Variants in MDM2 observed in about 807,000 individuals in gnomAD.
MDM2 encodes E3 ubiquitin-protein ligase Mdm2.
MDM2 carries 11 observed loss-of-function variants against 64.3 expected under a neutral mutation model. That is an observed-to-expected ratio of 0.17 (90% confidence interval 0.11 to 0.28). The LOEUF is 0.28. MDM2 is among the 10% of genes least tolerant of loss of function. The probability of loss-of-function intolerance (pLI) is 1.00; values close to 1 mark genes in which losing one functional copy is unlikely to be tolerated. For synonymous variants in MDM2, 194 were observed against 192.9 expected, an observed-to-expected ratio of 1.01 and a Z score of -0.05; for missense variants, 388 against 577.1, an observed-to-expected ratio of 0.67 and a Z score of 3.36.
rs761082043 is a variant in MDM2, at chr12:68,839,561, G to A, written c.1206G>A (p.Gln402=). ...SQSQESEDYS[Q]PSTSSSIIYS... ...CACAAGAAAGTGAAGACTATTCTCA[G>A]CCATCAACTTCTAGTAGCATTATTT... Residue 402 remains glutamine (Q), a synonymous_variant, in exon 11 of 11, where the codon CAG becomes CAA. Coordinates refer to ENST00000258149, the MANE Select transcript of MDM2 (RefSeq NM_002392.6). 1 of 1,613,674 alleles carries A rather than the reference G, an allele frequency of 6.2e-7. No homozygotes were observed. The highest frequency in any genetic ancestry group is 1.1e-5 in the South Asian group (1 of 91,062).
intron 8 of MDM2, among the ~76,000 whole-genome samples, chr12:68,833,149 A>AAAAAATATATATAT (rs1555187768): frequency 7.6e-5 from 5 of 65,968 alleles, no homozygotes; most frequent in African/African-American, 3.1e-4. Flanking sequence ...AAAAAAAAAA[A>AAAAAATATATATAT]ATATATATAT....
At chr12:68,836,475 TGAC>T (rs1883316241) in intron 9 of MDM2, 194 bp from the exon 10 acceptor site, 1 of 468,150 alleles carries the variant, frequency 2.1e-6, no homozygotes, top group Non-Finnish European at 3.8e-6. Context: ...TCCTTTGTAT[TGAC>T]TTTTACCATT....
chr12:68,837,782 T>G (rs1883427885), intron 10 of MDM2, among the ~76,000 whole-genome samples: 1 of 152,340 alleles, frequency 6.6e-6, no homozygotes, highest in South Asian at 2.1e-4. Flanking sequence ...TTATAGGTTT[T>G]TTTAAAACTA....
At chr12:68,816,763 A>G (rs377563023) in intron 3 of MDM2, 49 bp from the exon 4 acceptor site, 612 of 1,473,364 alleles carry the variant, frequency 4.2e-4, no homozygotes, top group Non-Finnish European at 5.2e-4. Context: ...TGTATTTACA[A>G]CTAACATTTA....
intron 4 of MDM2, among the ~76,000 whole-genome samples, chr12:68,819,979 C>G (rs1881712201): frequency 6.6e-6 from 1 of 152,128 alleles, no homozygotes; most frequent in Non-Finnish European, 1.5e-5. Flanking sequence ...GAGCTAAAAA[C>G]ATTCCTGTTT....
chr12:68,817,422 G>A (rs1230254391), intron 4 of MDM2, among the ~76,000 whole-genome samples: 1 of 152,112 alleles, frequency 6.6e-6, no homozygotes, highest in Admixed American at 6.6e-5. Context: ...CTATCATTAT[G>A]GCACTTAACC....
chr12:68,833,537 T>C (rs1883073389), intron 8 of MDM2, among the ~76,000 whole-genome samples: 2 of 150,496 alleles, frequency 1.3e-5, no homozygotes, highest in South Asian at 4.2e-4. Context: ...TATTGCATTT[T>C]TTCATGGTAT....
rs1002315781 is a variant in MDM2, at chr12:68,842,250, A to G, written c.*2401A>G. 11 of 497,602 alleles carry G rather than the reference A, an allele frequency of 2.2e-5. No homozygotes were observed. Among genetic ancestry groups the G allele is most frequent in the African/African-American group, 2.1e-4 (11 of 51,708 alleles). The allele number at this position is 497,602 out of a possible 1,614,324, so 30.8% of individuals were successfully genotyped here. On this transcript the variant is annotated 3_prime_UTR_variant, in exon 11 of 11. Transcript: ENST00000258149. ...TATTTATAATGAACAAATTCAAGAA[A>G]AAGGACTACGGAAAGTTCAGGACAT... is the stretch of plus-strand genomic sequence containing the variant.
Position 68,817,889 on chromosome 12 carries a change from C to T in MDM2, c.308+944C>T, listed in dbSNP as rs546958394. On this transcript the variant is annotated intron_variant, in intron 4 of 10. Coordinates refer to ENST00000258149, the MANE Select transcript of MDM2 (RefSeq NM_002392.6). ...CTTGGCTCACTGCAACCTCCGTCTC[C>T]TGGGTTCAAGTGATTCTCCTGCCTC... Among the ~76,000 whole-genome samples the T allele has an allele frequency of 5.9e-5, 9 of 152,150 alleles. No homozygotes were observed. In the South Asian group the frequency reaches 1.9e-3, roughly 32 times the overall value.
rs1314225292 is a variant in MDM2 at position 68,844,948 on chromosome 12, A to G, written c.*5099A>G. On this transcript the variant is annotated 3_prime_UTR_variant, in exon 11 of 11. Transcript: ENST00000258149. ...ACGCCCCGCTAATTTTTGTATTTCT[A>G]GCAGAGATGAAGTTTCACTATGTTG... 4 of 194,236 alleles carry G rather than the reference A, an allele frequency of 2.1e-5. No homozygotes were observed. The highest frequency in any genetic ancestry group is 4.3e-5 in the Non-Finnish European group (4 of 93,282). The allele number at this position is 194,236 out of a possible 1,614,324, so 12.0% of individuals were successfully genotyped here.
At chr12:68,832,005 G>A (rs1216014587) in intron 8 of MDM2, among the ~76,000 whole-genome samples, 1 of 152,190 alleles carries the variant, frequency 6.6e-6, no homozygotes, top group East Asian at 1.9e-4. Context: ...GGGAGGCGGA[G>A]GTTGCAGTGA....
chr12:68,837,854 A>AT (rs36025270), intron 10 of MDM2, among the ~76,000 whole-genome samples: 83,317 of 151,874 alleles, frequency 0.55, 25,036 homozygotes, highest in African/African-American at 0.8. Flanking sequence ...AATAAATTCC[A>AT]TTTTTTCTGA....
At chr12:68,848,558 T>C (rs1592618450), downstream of MDM2, 1 of 152,290 alleles carries the variant, frequency 6.6e-6, no homozygotes, top group East Asian at 1.9e-4. Flanking sequence ...GTCTTAAAAG[T>C]TGATATGGTG....
In MDM2 at chr12:68,841,396, C is replaced by A. The variant is rs564545272; in HGVS notation, c.*1547C>A. 5 of 208,136 alleles carry A rather than the reference C, an allele frequency of 2.4e-5. No homozygotes were observed. In the South Asian group the frequency reaches 9.4e-4, roughly 39 times the overall value. The allele number at this position is 208,136 out of a possible 1,614,324, so 12.9% of individuals were successfully genotyped here. A position where few individuals can be genotyped will look rare whatever the true frequency, so the allele number is the denominator to read the frequency against. On this transcript the variant is annotated 3_prime_UTR_variant, in exon 11 of 11. Coordinates refer to ENST00000258149, the MANE Select transcript of MDM2 (RefSeq NM_002392.6). ...GATTACAGGCGTTAGCCACCACACC[C>A]GGCTGTAAAAATGTACTTATTCTCC... is the stretch of plus-strand genomic sequence containing the variant.
chr12:68,840,094 G>T lies in MDM2; in HGVS notation c.*245G>T. 1 of 435,026 alleles carries T rather than the reference G, an allele frequency of 2.3e-6. No individual in the cohort carries two copies. Among genetic ancestry groups the T allele is most frequent in the Non-Finnish European group, 4.0e-6 (1 of 248,420 alleles). The allele number at this position is 435,026 out of a possible 1,614,324, so 26.9% of individuals were successfully genotyped here. On this transcript the variant is annotated 3_prime_UTR_variant, in exon 11 of 11. Transcript: ENST00000258149. ...AAATAATTTCTACTCTGTCTTAAAT[G>T]AGAAGTACTTGGTTTTTTTTTTTCT...
In MDM2 at chr12:68,843,979, A is replaced by T; in HGVS notation, c.*4130A>T. The stretch of plus-strand genomic sequence containing the variant: ...GTTCATAATACTGAAGCTAGAACCA[A>T]GCAGAATCTGTTTTTTTCTGAGGAG... On this transcript the variant is annotated 3_prime_UTR_variant, in exon 11 of 11. Coordinates refer to ENST00000258149, the MANE Select transcript of MDM2 (RefSeq NM_002392.6). The T allele has an allele frequency of 4.8e-6, 1 of 209,280 alleles. No individual in the cohort carries two copies. Among genetic ancestry groups the T allele is most frequent in the Non-Finnish European group, 9.7e-6 (1 of 103,112 alleles). 13.0% of individuals were successfully genotyped at this position (209,280 alleles called of 1,614,324 possible). A position where few individuals can be genotyped will look rare whatever the true frequency, so the allele number is the denominator to read the frequency against.
At chr12:68,808,853 C>G (rs1880600822) in intron 1 of MDM2, 1 of 1,315,492 alleles carries the variant, frequency 7.6e-7, no homozygotes, top group Non-Finnish European at 9.8e-7. Flanking sequence ...CTAGTGTGAA[C>G]GCTGCGCGTA....
Position 68,844,637 on chromosome 12 carries a change from G to C in MDM2, c.*4788G>C, listed in dbSNP as rs935089146. ...AACCTCTTGATTGTGAGGCACAAATGTAAGTACATCAGAAAAAAACAAAAA... is the reference window on the plus strand; with the variant it reads ...AACCTCTTGATTGTGAGGCACAAATCTAAGTACATCAGAAAAAAACAAAAA... On this transcript the variant is annotated 3_prime_UTR_variant, in exon 11 of 11. Coordinates refer to ENST00000258149, the MANE Select transcript of MDM2 (RefSeq NM_002392.6). 4.4e-6 allele frequency: 1 copy of C among 226,564 alleles called. No homozygotes were observed. Among genetic ancestry groups the C allele is most frequent in the African/African-American group, 2.2e-5 (1 of 44,708 alleles). 14.0% of individuals were successfully genotyped at this position (226,564 alleles called of 1,614,324 possible). A position where few individuals can be genotyped will look rare whatever the true frequency, so the allele number is the denominator to read the frequency against.
intron 1 of MDM2, chr12:68,808,853 C>T: frequency 3.0e-6 from 4 of 1,315,492 alleles, no homozygotes; most frequent in Non-Finnish European, 2.0e-6. Context: ...CTAGTGTGAA[C>T]GCTGCGCGTA....
Sources: allele counts gnomAD v4.1 joint callset (sites outside exome capture counted in the v4.1 genomes callset), GRCh38; gene constraint gnomAD v4.1.1; transcripts MANE v1.5; gene names NCBI Gene and HGNC (gene_info 2026-07-23, HGNC 2026-07-21).